The following ENTPD1 variants were observed in gnomAD, a reference collection of about 807,000 sequenced individuals.
ENTPD1 encodes ATP diphosphohydrolase.
ENTPD1 carries 33 observed loss-of-function variants against 57.0 expected under a neutral mutation model. The ratio of observed to expected loss-of-function variants is 0.58; its 90% confidence interval spans 0.44 to 0.77. The LOEUF (loss-of-function observed/expected upper bound fraction) is 0.77. Among genes scored for constraint, ENTPD1 ranks in the 30% least tolerant of loss-of-function variants. The pLI, the probability that ENTPD1 is intolerant of heterozygous loss-of-function variation, is 0.00. For synonymous variants in ENTPD1, 202 were observed against 218.8 expected (o/e 0.92, Z 0.68); for missense variants, 501 against 603.4 (o/e 0.83, Z 1.78).
chr10:95,797,410 A>G (rs1197203429), intron 1 of ENTPD1, among the ~76,000 whole-genome samples: 1 of 152,182 alleles, frequency 6.6e-6, no homozygotes, highest in Non-Finnish European at 1.5e-5. Context: ...GTCATCATAG[A>G]GATTAGGAAG....
chr10:95,725,129 TA>T (rs34826225), intron 1 of ENTPD1, among the ~76,000 whole-genome samples: 69,325 of 151,282 alleles, frequency 0.46, 16,239 homozygotes, highest in East Asian at 0.74. Context: ...TTCAATCTAT[TA>T]TACTTTTGGG....
In ENTPD1 at chr10:95,870,893, T is replaced by C. The variant is rs979435900; in HGVS notation, c.*4510T>C. The C allele has an allele frequency of 6.1e-6, 6 of 985,352 alleles. No homozygotes were observed. Among genetic ancestry groups the C allele is most frequent in the Admixed American group, 1.2e-4 (2 of 16,266 alleles). The allele number at this position is 985,352 out of a possible 1,614,324, so 61.0% of individuals were successfully genotyped here. On this transcript the variant is annotated 3_prime_UTR_variant, in exon 10 of 10. Transcript: ENST00000371205. ...ACATTGATTTTCATGTTTGTGAGTC[T>C]GCAAGCCAGCTGGGCAGCTCTACTT... is the stretch of plus-strand genomic sequence containing the variant.
chr10:95,818,596 G>C (rs944510389), intron 1 of ENTPD1, among the ~76,000 whole-genome samples: 3 of 152,204 alleles, frequency 2.0e-5, no homozygotes, highest in Non-Finnish European at 1.5e-5. Flanking sequence ...GGAATCAGGG[G>C]ATGTGGATAT....
At chr10:95,751,416 T>G (rs967005002), upstream of ENTPD1, among the ~76,000 whole-genome samples, 1 of 152,170 alleles carries the variant, frequency 6.6e-6, no homozygotes, top group African/African-American at 2.4e-5. Flanking sequence ...AGGTGGATGG[T>G]AGTGCCATTA....
At chr10:95,830,064 A>G (rs942674613) in intron 2 of ENTPD1, among the ~76,000 whole-genome samples, 2 of 152,100 alleles carry the variant, frequency 1.3e-5, no homozygotes, top group Non-Finnish European at 1.5e-5. Flanking sequence ...TTGACCTTGG[A>G]CTTCATAGCT....
intron 1 of ENTPD1, among the ~76,000 whole-genome samples, chr10:95,815,986 A>T (rs565237988): frequency 6.6e-6 from 1 of 151,790 alleles, no homozygotes; most frequent in South Asian, 2.1e-4. Context: ...TGCCCTCCTT[A>T]CCTCCTTGAG....
intron 1 of ENTPD1, among the ~76,000 whole-genome samples, chr10:95,790,413 A>C (rs1354249959): frequency 6.6e-6 from 1 of 152,204 alleles, no homozygotes; most frequent in Non-Finnish European, 1.5e-5. Flanking sequence ...AGTTACATGC[A>C]GATTTTCAAC....
At chr10:95,859,218 G>A (rs561088063) in intron 7 of ENTPD1, among the ~76,000 whole-genome samples, 89 of 152,294 alleles carry the variant, frequency 5.8e-4, no homozygotes, top group African/African-American at 2.0e-3. Context: ...TGAGGCATAC[G>A]GCCTGTTTGC....
chr10:95,829,764 G>T (rs767127072), intron 2 of ENTPD1, among the ~76,000 whole-genome samples: 14 of 152,116 alleles, frequency 9.2e-5, no homozygotes, highest in Non-Finnish European at 1.5e-4. Context: ...TTGAATGTTT[G>T]ATCCCTCCAA....
intron 1 of ENTPD1, among the ~76,000 whole-genome samples, chr10:95,723,263 T>A (rs2097979538): frequency 6.6e-6 from 1 of 152,140 alleles, no homozygotes; most frequent in Non-Finnish European, 1.5e-5. Context: ...CTTCTATCTT[T>A]CTCTTTCTTT....
intron 1 of ENTPD1, among the ~76,000 whole-genome samples, chr10:95,821,031 T>C (rs149788038): frequency 6.6e-6 from 1 of 152,308 alleles, no homozygotes; most frequent in Non-Finnish European, 1.5e-5. Flanking sequence ...GGTAGAAACA[T>C]TGCTACAGTT....
At chr10:95,824,358 T>C (rs1452288438) in intron 2 of ENTPD1, among the ~76,000 whole-genome samples, 1 of 152,230 alleles carries the variant, frequency 6.6e-6, no homozygotes, top group Non-Finnish European at 1.5e-5. Context: ...GAAGGATGGT[T>C]GTGTATGCCA....
In ENTPD1 at chr10:95,866,717, G is replaced by C; in HGVS notation, c.*334G>C. 8.5e-7 allele frequency: 1 copy of C among 1,172,966 alleles called. No homozygotes were observed. The highest frequency in any genetic ancestry group is 1.1e-6 in the Non-Finnish European group (1 of 937,386). 72.7% of individuals were successfully genotyped at this position (1,172,966 alleles called of 1,614,324 possible). On this transcript the variant is annotated 3_prime_UTR_variant, in exon 10 of 10. Coordinates refer to ENST00000371205, the MANE Select transcript of ENTPD1 (RefSeq NM_001776.6). ...TATTGACTTTGTCTAGAAGAACTGA[G>C]AGTCTTGAGTCCTGTGATAGGAGGC...
chr10:95,808,545 G>C (rs866280068), intron 1 of ENTPD1, among the ~76,000 whole-genome samples: 5 of 152,250 alleles, frequency 3.3e-5, no homozygotes, highest in South Asian at 4.2e-4. Context: ...TGGCAAGACA[G>C]CTTGGTAGAC....
chr10:95,739,108 A>C (rs1010635864), intron 1 of ENTPD1, among the ~76,000 whole-genome samples: 3 of 152,242 alleles, frequency 2.0e-5, no homozygotes, highest in African/African-American at 7.2e-5. Context: ...TTTATTGTTA[A>C]AAATGCTAAT....
chr10:95,870,401 T>C lies in ENTPD1; in HGVS notation c.*4018T>C. The C allele has an allele frequency of 1.4e-6, 1 of 735,158 alleles. No homozygotes were observed. The highest frequency in any genetic ancestry group is 1.7e-6 in the Non-Finnish European group (1 of 601,730). 45.5% of individuals were successfully genotyped at this position (735,158 alleles called of 1,614,324 possible). On this transcript the variant is annotated 3_prime_UTR_variant, in exon 10 of 10. Coordinates refer to ENST00000371205, the MANE Select transcript of ENTPD1 (RefSeq NM_001776.6). ...CCAAGCTCAAGCAAGGCTACAGGTG[T>C]GCACCTAAGTAGCTAGGACTACAGG... is the stretch of plus-strand genomic sequence containing the variant.
intron 8 of ENTPD1, among the ~76,000 whole-genome samples, chr10:95,861,936 C>T (rs2098466095): frequency 6.6e-6 from 1 of 151,560 alleles, no homozygotes; most frequent in Non-Finnish European, 1.5e-5. Flanking sequence ...GCGGAGCTTG[C>T]AGTGAGCTGA....
At chr10:95,787,405 A>G (rs929437342) in intron 1 of ENTPD1, among the ~76,000 whole-genome samples, 6 of 152,182 alleles carry the variant, frequency 3.9e-5, no homozygotes, top group African/African-American at 1.4e-4. Context: ...AACAAAGTCT[A>G]TTTTTTATTT....
At chr10:95,860,714 T>C in intron 8 of ENTPD1, 132 bp downstream of exon 8, 2 of 737,878 alleles carry the variant, frequency 2.7e-6, no homozygotes, top group East Asian at 2.8e-5. Context: ...GAAGACCAGA[T>C]GGTGGACTCA....
Sources: gnomAD v4.1 joint callset for allele counts (sites outside exome capture counted in the v4.1 genomes callset) on GRCh38, gnomAD v4.1.1 for gene constraint, MANE v1.5 for transcripts, NCBI Gene and HGNC (gene_info 2026-07-23, HGNC 2026-07-21) for gene names.